ZNF536: variants seen among roughly 807,000 people sequenced by gnomAD.
The protein encoded by ZNF536 is zinc finger protein 536.
ZNF536 carries 13 observed loss-of-function variants against 84.5 expected under a neutral mutation model. That is an observed-to-expected ratio of 0.15 (90% CI 0.10 to 0.24). The LOEUF (loss-of-function observed/expected upper bound fraction) is 0.24. ZNF536 is among the 10% of genes least tolerant of loss of function. The probability of loss-of-function intolerance (pLI) is 1.00; values close to 1 mark genes in which losing one functional copy is unlikely to be tolerated. For synonymous variants in ZNF536, 811 were observed against 742.5 expected (o/e 1.09, Z -1.50); for missense variants, 1,536 against 1,747.5 (o/e 0.88, Z 2.16).
At chr19:30,402,460 T>C (rs182316939) in intron 1 of ZNF536, among the ~76,000 whole-genome samples, 71 of 152,246 alleles carry the variant, frequency 4.7e-4, no homozygotes, top group African/African-American at 1.6e-3. Flanking sequence ...TAAGGCAGTC[T>C]CAGAATGGCT....
intron 1 of ZNF536, among the ~76,000 whole-genome samples, chr19:30,438,621 GATA>G (rs1230532381): frequency 2.0e-5 from 3 of 152,196 alleles, no homozygotes; most frequent in East Asian, 1.9e-4. Flanking sequence ...TGGGAAAAGG[GATA>G]ATAAGACCTT....
Position 30,436,931 on chromosome 19 carries a change from C to T in ZNF536, c.-2-6630C>T, listed in dbSNP as rs139014800. Among the ~76,000 whole-genome samples, 536 of 152,238 alleles carry T rather than the reference C, an allele frequency of 3.5e-3. 2 individuals carry two copies. The highest frequency in any genetic ancestry group is 0.012 in the African/African-American group (514 of 41,540). ...CAGAGTAACTTGGAGGTCAGGGACT[C>T]CTACAAGGCTTCCGAGGTAGCAGTT... On this transcript the variant is annotated intron_variant, in intron 1 of 4. Transcript: ENST00000355537.
chr19:30,385,711 A>T (rs1180524458), intron 1 of ZNF536, among the ~76,000 whole-genome samples: 1 of 152,052 alleles, frequency 6.6e-6, no homozygotes. Context: ...CCTTCTACCC[A>T]TATTCCACCT....
chr19:30,687,087 C>G (rs1000352829), intron 1 of ZNF536, among the ~76,000 whole-genome samples: 1 of 152,122 alleles, frequency 6.6e-6, no homozygotes, highest in Admixed American at 6.5e-5. Context: ...GTGGGCAAGA[C>G]AGGCTGTACA....
chr19:30,289,196 G>C (rs2045748579), intron 2 of ZNF536, among the ~76,000 whole-genome samples: 1 of 152,152 alleles, frequency 6.6e-6, no homozygotes, highest in Admixed American at 6.5e-5. Context: ...GGGGAGGCCT[G>C]TGGTTTTTCT....
At position 30,461,699 on chromosome 19, in the gene ZNF536, C is replaced by T. The variant is rs375519650; in HGVS notation, c.2170+15967C>T. ...GCCAGCACAGCCTGACTTGGGCTGC[C>T]CGGCTCTCCGCCTGTGTGAGCTTGC... is the stretch of plus-strand genomic sequence containing the variant. On this transcript the variant is annotated intron_variant, in intron 2 of 4. Coordinates refer to ENST00000355537, the MANE Select transcript of ZNF536 (RefSeq NM_014717.3). 2.0e-5 allele frequency among the ~76,000 whole-genome samples: 3 copies of T among 152,238 alleles called. No individual in the cohort carries two copies. The East Asian group carries it at 5.8e-4, about 29-fold the overall frequency.
chr19:30,420,197 G>T (rs535582198), intron 1 of ZNF536, among the ~76,000 whole-genome samples: 1 of 152,302 alleles, frequency 6.6e-6, no homozygotes, highest in African/African-American at 2.4e-5. Flanking sequence ...GCACATTTAA[G>T]AATTAATTAA....
chr19:30,642,099 G>A (rs562288428), intron 1 of ZNF536, among the ~76,000 whole-genome samples: 1 of 152,212 alleles, frequency 6.6e-6, no homozygotes, highest in Non-Finnish European at 1.5e-5. Context: ...TTGGATTTTG[G>A]GAACCGAATC....
At chr19:30,283,645 C>T (rs2045529674) in intron 1 of ZNF536, among the ~76,000 whole-genome samples, 1 of 151,960 alleles carries the variant, frequency 6.6e-6, no homozygotes, top group Non-Finnish European at 1.5e-5. Context: ...GTAGAGGGCT[C>T]CATAAATCAA....
intron 1 of ZNF536, among the ~76,000 whole-genome samples, chr19:30,433,932 G>A (rs2148011017): frequency 6.6e-6 from 1 of 151,834 alleles, no homozygotes; most frequent in South Asian, 2.1e-4. Flanking sequence ...CATCTAAGAA[G>A]CATTACTGCA....
chr19:30,530,355 G>A (rs967879787), intron 2 of ZNF536, among the ~76,000 whole-genome samples: 2 of 152,018 alleles, frequency 1.3e-5, no homozygotes, highest in East Asian at 3.9e-4. Context: ...TGTTGTTGTT[G>A]TTGTTTTTGA....
intron 1 of ZNF536, among the ~76,000 whole-genome samples, chr19:30,675,159 C>A (rs1432552891): frequency 6.6e-6 from 1 of 152,202 alleles, no homozygotes; most frequent in African/African-American, 2.4e-5. Flanking sequence ...TTTGCCGCAC[C>A]TCTAAGGAAC....
At chr19:30,414,572 G>A (rs1272928197) in intron 1 of ZNF536, among the ~76,000 whole-genome samples, 1 of 152,084 alleles carries the variant, frequency 6.6e-6, no homozygotes, top group African/African-American at 2.4e-5. Flanking sequence ...GTGTGTGTGT[G>A]CACATATGCA....
intron 1 of ZNF536, among the ~76,000 whole-genome samples, chr19:30,564,606 G>C (rs1029723641): frequency 2.0e-5 from 3 of 152,140 alleles, no homozygotes; most frequent in Non-Finnish European, 4.4e-5. Flanking sequence ...TCGAGGGTCA[G>C]GGAGACCCCC....
chr19:30,604,697 T>C (rs1340779483), intron 1 of ZNF536, among the ~76,000 whole-genome samples: 2 of 152,274 alleles, frequency 1.3e-5, no homozygotes, highest in Admixed American at 6.5e-5. Context: ...ACAAATTGAG[T>C]TTGTGGGTCT....
intron 1 of ZNF536, among the ~76,000 whole-genome samples, chr19:30,602,460 AT>A (rs1269600858): frequency 6.6e-6 from 1 of 152,172 alleles, no homozygotes; most frequent in Non-Finnish European, 1.5e-5. Context: ...TTTGAGCTAC[AT>A]TTGGAGGCCT....
chr19:30,600,919 C>T (rs767687482), intron 1 of ZNF536, among the ~76,000 whole-genome samples: 5 of 152,166 alleles, frequency 3.3e-5, no homozygotes, highest in Middle Eastern at 3.2e-3. Context: ...GAAAAGTGAA[C>T]GCTTGTTTTA....
At chr19:30,350,124 A>C (rs2047887260) in intron 2 of ZNF536, among the ~76,000 whole-genome samples, 1 of 152,166 alleles carries the variant, frequency 6.6e-6, no homozygotes, top group South Asian at 2.1e-4. Flanking sequence ...TTTAATTAAC[A>C]ACCATTTTTG....
At chr19:30,624,350 A>T (rs564612031) in intron 1 of ZNF536, among the ~76,000 whole-genome samples, 21 of 152,216 alleles carry the variant, frequency 1.4e-4, no homozygotes, top group Non-Finnish European at 2.2e-4. Context: ...GCCTGCCTTG[A>T]GCCTCAGGGT....
Sources: allele counts gnomAD v4.1 joint callset (sites outside exome capture counted in the v4.1 genomes callset), GRCh38; gene constraint gnomAD v4.1.1; transcripts MANE v1.5; gene names NCBI Gene and HGNC (gene_info 2026-07-23, HGNC 2026-07-21).